DOCK7: variants seen among roughly 807,000 people sequenced by gnomAD.
DOCK7 encodes the protein dedicator of cytokinesis 7.
In DOCK7, 138 loss-of-function variants were observed where a neutral mutation model predicts 271.0. The ratio of observed to expected loss-of-function variants is 0.51; its 90% CI spans 0.44 to 0.59. The LOEUF is 0.59. Ranked by LOEUF, DOCK7 falls within the 20% of genes least tolerant of loss-of-function variation. The pLI, the probability that DOCK7 is intolerant of heterozygous loss-of-function variation, is 0.00. For missense variants in DOCK7, 2,066 were observed against 2,592.4 expected, an observed-to-expected ratio of 0.80 and a Z score of 4.41; for synonymous variants, 823 against 876.1, an observed-to-expected ratio of 0.94 and a Z score of 1.07.
At chr1:62,506,949 A>AAAATAAATAAAT (rs375137004) in intron 35 of DOCK7, among the ~76,000 whole-genome samples, 8,951 of 138,518 alleles carry the variant, frequency 0.065, 351 homozygotes, top group Admixed American at 0.1. Context: ...CTCCACCTCA[A>AAAATAAATAAAT]AAATAAATAA....
intron 18 of DOCK7, among the ~76,000 whole-genome samples, chr1:62,576,146 AAGAC>A (rs984940425): frequency 7.9e-5 from 12 of 152,228 alleles, no homozygotes; most frequent in Non-Finnish European, 1.5e-4. Flanking sequence ...AGCAATGAGC[AAGAC>A]AGACAAAGTT....
chr1:62,654,550 T>C (rs1657763929), intron 2 of DOCK7, among the ~76,000 whole-genome samples: 1 of 152,206 alleles, frequency 6.6e-6, no homozygotes, highest in Non-Finnish European at 1.5e-5. Flanking sequence ...CTTACTTTAT[T>C]TCTTGTTTTT....
intron 16 of DOCK7, 113 bp from the exon 17 acceptor site, chr1:62,579,079 T>A: frequency 9.6e-7 from 1 of 1,039,856 alleles, no homozygotes; most frequent in Non-Finnish European, 1.3e-6. Context: ...ATTTTTCCTC[T>A]AGTCCAAAAT....
Position 62,494,267 on chromosome 1 carries a change from A to G in DOCK7, c.5217+8T>C, listed in dbSNP as rs757103598. On this transcript the variant is annotated splice_region_variant and intron_variant, in intron 40 of 49. Transcript: ENST00000635253. ...CCTTGATTTAATGTACATCTGGAAGATTCCTACCTGAAATGTTACACATCC... is the reference window on the plus strand; with the variant it reads ...CCTTGATTTAATGTACATCTGGAAGGTTCCTACCTGAAATGTTACACATCC... The G allele has an allele frequency of 6.4e-7, 1 of 1,571,568 alleles. No homozygotes were observed.
At chr1:62,648,891 T>G (rs567987067) in intron 4 of DOCK7, among the ~76,000 whole-genome samples, 1 of 152,060 alleles carries the variant, frequency 6.6e-6, no homozygotes, top group East Asian at 1.9e-4. Context: ...ATAGAAAACA[T>G]ACACTGAATT....
intron 19 of DOCK7, among the ~76,000 whole-genome samples, chr1:62,559,445 AT>A (rs34120210): frequency 4.1e-4 from 60 of 148,022 alleles, no homozygotes; most frequent in East Asian, 5.9e-4. Flanking sequence ...ACTAATTAAG[AT>A]TTTTTTTTTT....
chr1:62,585,634 G>C (rs1216109711), intron 15 of DOCK7, among the ~76,000 whole-genome samples: 1 of 152,028 alleles, frequency 6.6e-6, no homozygotes, highest in Non-Finnish European at 1.5e-5. Context: ...CTGTTCACAG[G>C]CATTCCCCAA....
chr1:62,510,152 A>C (rs889088402), intron 34 of DOCK7, among the ~76,000 whole-genome samples: 3 of 152,216 alleles, frequency 2.0e-5, no homozygotes, highest in Non-Finnish European at 4.4e-5. Flanking sequence ...GGATCAGTCA[A>C]TGTATCAAGT....
At chr1:62,517,404 G>A (rs551604127) in intron 31 of DOCK7, among the ~76,000 whole-genome samples, 81 of 151,998 alleles carry the variant, frequency 5.3e-4, no homozygotes, top group African/African-American at 1.7e-3. Flanking sequence ...GAGATCAGCC[G>A]GACCAAAATG....
chr1:62,456,217 G>A (rs1645343687), intron 49 of DOCK7, among the ~76,000 whole-genome samples: 3 of 152,082 alleles, frequency 2.0e-5, no homozygotes, highest in Admixed American at 2.0e-4. Flanking sequence ...AGGGTCTTAG[G>A]GACTCCCCTC....
intron 11 of DOCK7, among the ~76,000 whole-genome samples, chr1:62,625,853 T>C (rs1019712286): frequency 1.4e-4 from 22 of 152,280 alleles, no homozygotes; most frequent in African/African-American, 5.1e-4. Context: ...AACAAGGAAA[T>C]AGAATACTTG....
rs150374013 is a variant in DOCK7 at position 62,520,031 on chromosome 1, C to T, written c.3937-6133G>A. ...GATTCCCTATTTAATAAATGGTGTTCGGAACCGCCTAGCCATATGCAGAAA... is the reference window on the plus strand; with the variant it reads ...GATTCCCTATTTAATAAATGGTGTTTGGAACCGCCTAGCCATATGCAGAAA... On this transcript the variant is annotated intron_variant, in intron 31 of 49. Transcript: ENST00000635253. 6.2e-4 allele frequency among the ~76,000 whole-genome samples: 94 copies of T among 151,938 alleles called. 2 individuals carry two copies. The East Asian group carries it at 0.012, about 19-fold the overall frequency.
At chr1:62,550,156 G>C (rs751396912) in intron 22 of DOCK7, among the ~76,000 whole-genome samples, 1 of 152,168 alleles carries the variant, frequency 6.6e-6, no homozygotes. Context: ...ATGTGAATGG[G>C]AATGATTCAG....
intron 14 of DOCK7, among the ~76,000 whole-genome samples, chr1:62,610,460 T>C (rs1651623398): frequency 6.6e-6 from 1 of 151,910 alleles, no homozygotes; most frequent in Non-Finnish European, 1.5e-5. Context: ...AAACATACAT[T>C]TACTATTATT....
At chr1:62,590,408 G>C (rs1316495328) in intron 14 of DOCK7, among the ~76,000 whole-genome samples, 6 of 152,152 alleles carry the variant, frequency 3.9e-5, no homozygotes, top group Admixed American at 3.9e-4. Context: ...TTCCTGAGGC[G>C]ATGGTGGGAA....
At chr1:62,522,561 A>T (rs1298844088) in intron 31 of DOCK7, among the ~76,000 whole-genome samples, 1 of 152,004 alleles carries the variant, frequency 6.6e-6, no homozygotes, top group South Asian at 2.1e-4. Context: ...AAGGTATCTT[A>T]AAAAAAACCC....
At chr1:62,668,916 C>A (rs1659619668) in intron 1 of DOCK7, among the ~76,000 whole-genome samples, 1 of 133,350 alleles carries the variant, frequency 7.5e-6, no homozygotes, top group Non-Finnish European at 1.6e-5. Context: ...TAAAGTGAGA[C>A]CTTGCCTCAA....
intron 18 of DOCK7, among the ~76,000 whole-genome samples, chr1:62,569,045 A>G (rs1398446746): frequency 6.6e-6 from 1 of 152,152 alleles, no homozygotes; most frequent in Non-Finnish European, 1.5e-5. Flanking sequence ...CTGAACCAGG[A>G]AGTTGAATCC....
chr1:62,473,877 GC>G, intron 48 of DOCK7, 104 bp downstream of exon 48: 1 of 833,254 alleles, frequency 1.2e-6, no homozygotes, highest in Non-Finnish European at 1.9e-6. Context: ...AAGCCACTGT[GC>G]CTAGCCTATT....
Sources: allele counts gnomAD v4.1 joint callset (sites outside exome capture counted in the v4.1 genomes callset), GRCh38; gene constraint gnomAD v4.1.1; transcripts MANE v1.5; gene names NCBI Gene and HGNC (gene_info 2026-07-23, HGNC 2026-07-21).